The following ADGRV1 variants were observed in gnomAD, a reference collection of about 807,000 sequenced individuals.
The protein encoded by ADGRV1 is G-protein coupled receptor 98.
A neutral mutation model predicts 596.2 loss-of-function variants in ADGRV1; 359 were observed. The ratio of observed to expected loss-of-function variants is 0.60; its 90% confidence interval spans 0.55 to 0.66. The LOEUF (loss-of-function observed/expected upper bound fraction) is 0.66, where lower values mean the gene tolerates loss of function less well. Ranked by LOEUF, ADGRV1 falls within the 30% of genes least tolerant of loss-of-function variation. The pLI is 0.00. For synonymous variants in ADGRV1, 2,681 were observed against 2,679.2 expected (o/e 1.00, Z -0.02); for missense variants, 7,274 against 7,575.6 (o/e 0.96, Z 1.48).
At chr5:90,986,395 T>C (rs1724611381) in intron 85 of ADGRV1, among the ~76,000 whole-genome samples, 1 of 152,044 alleles carries the variant, frequency 6.6e-6, no homozygotes. Flanking sequence ...TAAAGTACTA[T>C]ATCAGCAGTC....
chr5:90,710,563 G>A (rs1203831936), intron 39 of ADGRV1, among the ~76,000 whole-genome samples: 5 of 151,632 alleles, frequency 3.3e-5, no homozygotes, highest in Admixed American at 6.6e-5. Context: ...TGTTTTCTCT[G>A]TACCTTTCCT....
intron 83 of ADGRV1, among the ~76,000 whole-genome samples, chr5:90,893,014 A>C (rs1770966027): frequency 6.6e-6 from 1 of 152,180 alleles, no homozygotes; most frequent in South Asian, 2.1e-4. Flanking sequence ...AAAACTTGGC[A>C]GCTTAAACAA....
At chr5:90,588,851 A>C (rs185632145) in intron 1 of ADGRV1, among the ~76,000 whole-genome samples, 91 of 152,342 alleles carry the variant, frequency 6.0e-4, no homozygotes, top group Non-Finnish European at 1.6e-4. Context: ...AAGTGAGTCC[A>C]AGTGAGAAGT....
chr5:90,958,955 A>G (rs1777740493), intron 83 of ADGRV1, among the ~76,000 whole-genome samples: 1 of 152,128 alleles, frequency 6.6e-6, no homozygotes, highest in African/African-American at 2.4e-5. Flanking sequence ...TGCCACCTCT[A>G]TTTAATAGTG....
chr5:91,152,730 G>A (rs1796163411), intron 88 of ADGRV1, among the ~76,000 whole-genome samples: 1 of 152,280 alleles, frequency 6.6e-6, no homozygotes, highest in African/African-American at 2.4e-5. Context: ...ACAGTGGCAT[G>A]ATCATAGCCC....
intron 70 of ADGRV1, chr5:90,792,736 G>A (rs548053227): frequency 6.6e-6 from 1 of 152,290 alleles, no homozygotes; most frequent in African/African-American, 2.4e-5. Flanking sequence ...TTGAGAAAGA[G>A]TAATAAAAAC....
chr5:90,781,488 G>C lies in ADGRV1; in HGVS notation c.13141G>C (p.Gly4381Arg), dbSNP rs1758840962. 1 of 1,610,274 alleles carries C rather than the reference G, an allele frequency of 6.2e-7. No homozygotes were observed. The highest frequency in any genetic ancestry group is 1.7e-5 in the Admixed American group (1 of 59,534). ...TCAGATAGATCAACCTCCTGAAATA[G>C]GAAACATCTCCATTGTTCGCATCAT... The part of the protein sequence containing the change: ...GLQIDQPPEI[G>R]NISIVRIIIM... Residue 4381 changes from glycine (G) to arginine (R), a missense_variant, in exon 65 of 90, where the codon GGA becomes CGA. Coordinates refer to ENST00000405460, the MANE Select transcript of ADGRV1 (RefSeq NM_032119.4).
chr5:90,623,508 C>A (rs896468749), intron 5 of ADGRV1, among the ~76,000 whole-genome samples: 1 of 152,098 alleles, frequency 6.6e-6, no homozygotes, highest in Non-Finnish European at 1.5e-5. Context: ...ACCTCCTGGG[C>A]TCATGCAGTC....
chr5:90,704,138 T>C (rs1748281716), intron 35 of ADGRV1, among the ~76,000 whole-genome samples: 1 of 152,192 alleles, frequency 6.6e-6, no homozygotes, highest in African/African-American at 2.4e-5. Flanking sequence ...CCAATAGTGT[T>C]ACATTGCTCA....
intron 78 of ADGRV1, among the ~76,000 whole-genome samples, chr5:90,843,689 C>A (rs927463170): frequency 6.6e-6 from 1 of 152,190 alleles, no homozygotes; most frequent in Admixed American, 6.5e-5. Context: ...AATAAAATTT[C>A]TCTTAGCATA....
chr5:90,873,810 A>AAT (rs942841609), intron 83 of ADGRV1, among the ~76,000 whole-genome samples: 1 of 151,366 alleles, frequency 6.6e-6, no homozygotes, highest in East Asian at 1.9e-4. Flanking sequence ...GAAAGGAAAA[A>AAT]AAAAAACCTT....
chr5:90,767,984 C>T (rs1378524976), intron 59 of ADGRV1, among the ~76,000 whole-genome samples: 1 of 152,188 alleles, frequency 6.6e-6, no homozygotes. Context: ...AACCTCTCAC[C>T]TGAGGAGCAT....
chr5:91,142,942 G>C (rs1045705479), intron 87 of ADGRV1, among the ~76,000 whole-genome samples: 5 of 152,222 alleles, frequency 3.3e-5, no homozygotes, highest in African/African-American at 4.8e-5. Context: ...CAGCCTGGCA[G>C]ACTACGCTTG....
At chr5:90,744,168 G>C (rs1016698918) in intron 50 of ADGRV1, among the ~76,000 whole-genome samples, 3 of 151,922 alleles carry the variant, frequency 2.0e-5, no homozygotes, top group African/African-American at 7.3e-5. Context: ...TTTGTTTTTT[G>C]TAAAGACAGG....
At chr5:90,659,778 A>T (rs1229516723) in intron 21 of ADGRV1, among the ~76,000 whole-genome samples, 1 of 152,222 alleles carries the variant, frequency 6.6e-6, no homozygotes, top group Admixed American at 6.5e-5. Context: ...CACGCCTGTA[A>T]TCCCAGCACT....
chr5:90,963,365 G>T (rs1482504586), intron 83 of ADGRV1, among the ~76,000 whole-genome samples: 1 of 151,882 alleles, frequency 6.6e-6, no homozygotes, highest in African/African-American at 2.4e-5. Context: ...CTATAATAAA[G>T]GTCAGAATAA....
rs893352565 is a variant in ADGRV1, at chr5:90,683,991, C to T, written c.6070C>T (p.Pro2024Ser). The change falls in exon 28 of 90, where the codon CCA becomes TCA. Residue 2024 changes from proline (P) to serine (S), a missense_variant. Physicochemically the swap from Pro to Ser is moderately conservative, Grantham distance 74. Coordinates refer to ENST00000405460, the MANE Select transcript of ADGRV1 (RefSeq NM_032119.4). ...TGCAACACTAGATGATATGGAAAAACCACCTTATTTTCCACCTAATTTAGC... is the reference window on the plus strand; with the variant it reads ...TGCAACACTAGATGATATGGAAAAATCACCTTATTTTCCACCTAATTTAGC... ...SYATLDDMEK[P>S]PYFPPNLARA... 6.2e-7 allele frequency: 1 copy of T among 1,613,814 alleles called. No individual in the cohort carries two copies. Among genetic ancestry groups the T allele is most frequent in the Non-Finnish European group, 8.5e-7 (1 of 1,179,810 alleles).
intron 1 of ADGRV1, among the ~76,000 whole-genome samples, chr5:90,601,618 A>G (rs1302067743): frequency 5.9e-5 from 9 of 152,230 alleles, no homozygotes; most frequent in African/African-American, 2.2e-4. Flanking sequence ...ACTTCATTTT[A>G]CAGAAGAGGA....
intron 20 of ADGRV1, among the ~76,000 whole-genome samples, chr5:90,656,685 C>A (rs1470311752): frequency 1.3e-5 from 2 of 152,156 alleles, no homozygotes; most frequent in African/African-American, 2.4e-5. Flanking sequence ...TGAAAGACAT[C>A]TGGGTGGAGA....
Sources: gnomAD v4.1 joint callset for allele counts (sites outside exome capture counted in the v4.1 genomes callset) on GRCh38, gnomAD v4.1.1 for gene constraint, MANE v1.5 for transcripts, NCBI Gene and HGNC (gene_info 2026-07-23, HGNC 2026-07-21) for gene names.